MAP3K20: variants seen among roughly 807,000 people sequenced by gnomAD.
MAP3K20 encodes the protein HCCS-4.
Under a neutral mutation model 85.7 loss-of-function variants are expected in MAP3K20, and 40 were observed. The ratio of observed to expected loss-of-function variants is 0.47; its 90% CI spans 0.36 to 0.61. MAP3K20 has a LOEUF of 0.61. Among genes scored for constraint, MAP3K20 ranks in the 20% least tolerant of loss-of-function variants. The probability of loss-of-function intolerance (pLI) is 0.00; values close to 1 mark genes in which losing one functional copy is unlikely to be tolerated. For synonymous variants in MAP3K20, 325 were observed against 327.7 expected (o/e 0.99, Z 0.09); for missense variants, 817 against 961.7 (o/e 0.85, Z 1.99).
intron 1 of MAP3K20, chr2:173,090,698 G>A (rs1687269165): frequency 4.9e-6 from 5 of 1,015,678 alleles, no homozygotes; most frequent in Admixed American, 5.6e-5. Context: ...GTAGCCTTTC[G>A]GCAGAGCTCC....
chr2:173,223,983 A>G (rs1275257330), intron 11 of MAP3K20: 5 of 985,302 alleles, frequency 5.1e-6, no homozygotes, highest in Non-Finnish European at 4.8e-6. Flanking sequence ...CATTCAACAC[A>G]TATTCATAGA....
intron 2 of MAP3K20, among the ~76,000 whole-genome samples, chr2:173,112,549 A>G (rs1688005921): frequency 6.6e-6 from 1 of 152,200 alleles, no homozygotes; most frequent in African/African-American, 2.4e-5. Flanking sequence ...TGGTTTTGTC[A>G]TAGATGGCTT....
chr2:173,145,255 A>G (rs1410823498), intron 2 of MAP3K20, among the ~76,000 whole-genome samples: 3 of 152,096 alleles, frequency 2.0e-5, no homozygotes, highest in Non-Finnish European at 4.4e-5. Flanking sequence ...TCAAAAAAAA[A>G]GAAAAAAAAA....
intron 2 of MAP3K20, among the ~76,000 whole-genome samples, chr2:173,130,092 A>G (rs1688565530): frequency 6.6e-6 from 1 of 152,266 alleles, no homozygotes; most frequent in South Asian, 2.1e-4. Context: ...TCGGCATTTC[A>G]CAACTCAGAA....
intron 1 of MAP3K20, 145 bp downstream of exon 1, chr2:173,076,147 C>G: frequency 1.9e-6 from 1 of 536,396 alleles, no homozygotes; most frequent in Non-Finnish European, 2.4e-6. Flanking sequence ...CGGGGCTCCC[C>G]TCCCCGACCC....
intron 2 of MAP3K20, among the ~76,000 whole-genome samples, chr2:173,136,437 C>T (rs1298133374): frequency 1.3e-5 from 2 of 152,166 alleles, no homozygotes; most frequent in Non-Finnish European, 2.9e-5. Context: ...GACAGTTTTC[C>T]ATCAGCTTTA....
Position 173,224,819 on chromosome 2 carries a change from C to T in MAP3K20, c.988-4870C>T, listed in dbSNP as rs748739804. 18 of 984,674 alleles carry T rather than the reference C, an allele frequency of 1.8e-5. No homozygotes were observed. In the South Asian group the frequency reaches 2.4e-4, roughly 13 times the overall value. The allele number at this position is 984,674 out of a possible 1,614,324, so 61.0% of individuals were successfully genotyped here. ...TAAAGATCATTTGGAAGACTTTAGA[C>T]TCTATTAATTTTAAAAGGAATATTT... On this transcript the variant is annotated intron_variant, in intron 11 of 19. Transcript: ENST00000375213.
At chr2:173,220,048 A>T (rs1684194606) in intron 11 of MAP3K20, among the ~76,000 whole-genome samples, 1 of 118,308 alleles carries the variant, frequency 8.5e-6, no homozygotes, top group Non-Finnish European at 1.7e-5. Context: ...AGCCTGGGCA[A>T]CAGTGCTAGA....
upstream of MAP3K20, chr2:173,075,799 C>T (rs987377953): frequency 1.0e-6 from 1 of 985,486 alleles, no homozygotes; most frequent in South Asian, 4.7e-5. Flanking sequence ...GGCGGCCCAG[C>T]CGTTTCGCGC....
intron 2 of MAP3K20, among the ~76,000 whole-genome samples, chr2:173,140,203 G>C (rs1244705369): frequency 6.6e-6 from 1 of 152,086 alleles, no homozygotes. Context: ...GTAGAGATGG[G>C]ATTTTGCCAT....
At chr2:173,137,590 C>T in intron 2 of MAP3K20, among the ~76,000 whole-genome samples, 1 of 151,756 alleles carries the variant, frequency 6.6e-6, no homozygotes, top group East Asian at 1.9e-4. Flanking sequence ...TGTCTCTTTT[C>T]TCTCCCTCTC....
At chr2:173,228,889 A>G (rs1362373376) in intron 11 of MAP3K20, among the ~76,000 whole-genome samples, 1 of 152,238 alleles carries the variant, frequency 6.6e-6, no homozygotes, top group Admixed American at 6.5e-5. Context: ...ATTATCTCAT[A>G]AGCAATTCAT....
rs1044811389 is a variant in MAP3K20, at chr2:173,236,190, CCCAGGAGGTTGAGG to C, written c.1204-2181_1204-2168del. On this transcript the variant is annotated intron_variant, in intron 14 of 19. Coordinates refer to ENST00000375213, the MANE Select transcript of MAP3K20 (RefSeq NM_016653.3). ...GGTTGAGGTGGGAGGATCGCTTGAG[CCCAGGAGGTTGAGG>C]CTGCCATGAACTATGATTGCACCAC... is the stretch of plus-strand genomic sequence containing the variant. 8.0e-5 allele frequency among the ~76,000 whole-genome samples: 12 copies of C among 149,236 alleles called. 1 individual carries two copies. The Admixed American group carries it at 8.1e-4, about 10-fold the overall frequency.
In MAP3K20 at chr2:173,198,236, A is replaced by G. The variant is rs1051733056; in HGVS notation, c.669+124A>G. On this transcript the variant is annotated intron_variant, in intron 8 of 19. Coordinates refer to ENST00000375213, the MANE Select transcript of MAP3K20 (RefSeq NM_016653.3). The surrounding 1 kb of genome is among the most constrained non-coding windows in gnomAD (Gnocchi z 5.8). ...CGCTTATGGAAAGATTAGCAGTAGG[A>G]GCTAACACAAAGGGTCAAAGTGATG... The G allele has an allele frequency of 3.6e-6, 3 of 830,938 alleles. No individual in the cohort carries two copies. Among genetic ancestry groups the G allele is most frequent in the Admixed American group, 4.9e-5 (2 of 41,104 alleles). The allele number at this position is 830,938 out of a possible 1,614,324, so 51.5% of individuals were successfully genotyped here. A position where few individuals can be genotyped will look rare whatever the true frequency, so the allele number is the denominator to read the frequency against.
At chr2:173,165,775 C>T (rs1418391873) in intron 2 of MAP3K20, among the ~76,000 whole-genome samples, 1 of 152,160 alleles carries the variant, frequency 6.6e-6, no homozygotes, top group Non-Finnish European at 1.5e-5. Flanking sequence ...GGGCTCAAGC[C>T]ATCCTACTGC....
intron 1 of MAP3K20, among the ~76,000 whole-genome samples, chr2:173,076,258 C>T (rs1017750527): frequency 1.3e-5 from 2 of 151,956 alleles, no homozygotes; most frequent in African/African-American, 2.4e-5. Flanking sequence ...CGCGGCGCCG[C>T]CAAGTGCGGT....
intron 16 of MAP3K20, among the ~76,000 whole-genome samples, chr2:173,257,903 G>A (rs1420750964): frequency 6.6e-6 from 1 of 152,114 alleles, no homozygotes; most frequent in African/African-American, 2.4e-5. Flanking sequence ...TCCTGGTAAC[G>A]AATGGTGTAA....
Position 173,267,923 on chromosome 2 carries a change from T to C in MAP3K20, c.*1173T>C, listed in dbSNP as rs1278640787. The C allele has an allele frequency of 2.0e-5, 3 of 152,238 alleles. No homozygotes were observed. Among genetic ancestry groups the C allele is most frequent in the African/African-American group, 7.2e-5 (3 of 41,450 alleles). The allele number at this position is 152,238 out of a possible 1,614,324, so 9.4% of individuals were successfully genotyped here. On this transcript the variant is annotated 3_prime_UTR_variant, in exon 20 of 20. Coordinates refer to ENST00000375213, the MANE Select transcript of MAP3K20 (RefSeq NM_016653.3). ...TAGGGCAGAAATGGTGGGATCCAAC[T>C]TGTGAAATGCTTCATGTTTTACAAA...
chr2:173,165,858 A>G (rs1689804409), intron 2 of MAP3K20, among the ~76,000 whole-genome samples: 1 of 152,072 alleles, frequency 6.6e-6, no homozygotes, highest in Admixed American at 6.6e-5. Flanking sequence ...TTTAGTAGAG[A>G]CAAGGTCTCA....
Sources: gnomAD v4.1 joint callset for allele counts (sites outside exome capture counted in the v4.1 genomes callset) on GRCh38, gnomAD v4.1.1 for gene constraint, Gnocchi (gnomAD v3.1) non-coding constraint, MANE v1.5 for transcripts, NCBI Gene and HGNC (gene_info 2026-07-23, HGNC 2026-07-21) for gene names.